The following PXDN variants were observed in gnomAD, a reference collection of about 807,000 sequenced individuals.
PXDN encodes the protein peroxidasin, also known as peroxidasin homolog.
PXDN carries 77 observed loss-of-function variants against 140.3 expected under a neutral mutation model. That is an observed-to-expected ratio of 0.55 (90% CI 0.46 to 0.66). PXDN has a LOEUF of 0.66. Ranked by LOEUF, PXDN falls within the 30% of genes least tolerant of loss-of-function variation. The pLI is 0.00. For synonymous variants in PXDN, 911 were observed against 857.4 expected, an observed-to-expected ratio of 1.06 and a Z score of -1.09; for missense variants, 1,838 against 2,039.5, an observed-to-expected ratio of 0.90 and a Z score of 1.90.
Position 1,633,759 on chromosome 2 carries a change from A to C in PXDN, c.*445T>G, listed in dbSNP as rs1054249. 5 of 152,674 alleles carry C rather than the reference A, an allele frequency of 3.3e-5. No homozygotes were observed. Among genetic ancestry groups the C allele is most frequent in the Admixed American group, 1.3e-4 (2 of 15,246 alleles). 9.5% of individuals were successfully genotyped at this position (152,674 alleles called of 1,614,324 possible). A position where few individuals can be genotyped will look rare whatever the true frequency, so the allele number is the denominator to read the frequency against. On this transcript the variant is annotated 3_prime_UTR_variant, in exon 23 of 23. Transcript: ENST00000252804. ...TTCGGTGAGCCCCTCTGGCAGCTCCAAGACTCACCCCACCTGCGGGTGACA... is the reference window on the plus strand; with the variant it reads ...TTCGGTGAGCCCCTCTGGCAGCTCCCAGACTCACCCCACCTGCGGGTGACA...
chr2:1,709,187 G>A (rs1466039233), intron 1 of PXDN, among the ~76,000 whole-genome samples: 2 of 152,200 alleles, frequency 1.3e-5, no homozygotes, highest in African/African-American at 2.4e-5. Context: ...CAGTTCATGG[G>A]CAATGCTGAC....
At chr2:1,689,083 C>G (rs1684128839) in intron 3 of PXDN, among the ~76,000 whole-genome samples, 1 of 152,104 alleles carries the variant, frequency 6.6e-6, no homozygotes, top group African/African-American at 2.4e-5. Context: ...GCAGCAGAGG[C>G]CTGGCAAGGC....
chr2:1,705,869 C>T (rs1168662425), intron 1 of PXDN, among the ~76,000 whole-genome samples: 21 of 152,256 alleles, frequency 1.4e-4, no homozygotes, highest in Admixed American at 1.2e-3. Context: ...ACCTGGGACG[C>T]GTGGAGTGTC....
intron 7 of PXDN, 137 bp downstream of exon 7, chr2:1,680,056 G>A (rs929253804): frequency 8.9e-6 from 10 of 1,125,686 alleles, no homozygotes; most frequent in Middle Eastern, 3.0e-4. Context: ...GTGTCTGCGC[G>A]TGTGTCTATA....
chr2:1,694,246 G>A (rs1684248432), intron 1 of PXDN, among the ~76,000 whole-genome samples: 1 of 152,136 alleles, frequency 6.6e-6, no homozygotes, highest in South Asian at 2.1e-4. Flanking sequence ...GGGTATCATA[G>A]GTAAGGTCAG....
intron 14 of PXDN, among the ~76,000 whole-genome samples, chr2:1,656,903 C>G (rs1027038846): frequency 6.6e-6 from 1 of 150,706 alleles, no homozygotes; most frequent in East Asian, 2.0e-4. Context: ...GACCTACCCC[C>G]TCCTGACTGG....
chr2:1,670,711 A>G (rs1416089757), intron 9 of PXDN, among the ~76,000 whole-genome samples: 1 of 152,170 alleles, frequency 6.6e-6, no homozygotes, highest in East Asian at 1.9e-4. Context: ...ATTTAGCCTT[A>G]AGAGCCTCAT....
intron 1 of PXDN, among the ~76,000 whole-genome samples, chr2:1,734,338 C>T (rs957413383): frequency 6.6e-6 from 1 of 152,070 alleles, no homozygotes; most frequent in East Asian, 1.9e-4. Flanking sequence ...TTATAAAACA[C>T]CTGAGCCTTC....
At chr2:1,640,206 C>G (rs372218933) in intron 19 of PXDN, among the ~76,000 whole-genome samples, 348 of 152,338 alleles carry the variant, frequency 2.3e-3, no homozygotes, top group African/African-American at 8.1e-3. Flanking sequence ...CGTGTCCCAC[C>G]TGGGCCCTGT....
rs1442525201 is a variant in PXDN, at chr2:1,644,613, C to A, written c.3743+5G>T. The A allele has an allele frequency of 6.3e-7, 1 of 1,589,670 alleles. No homozygotes were observed. Among genetic ancestry groups the A allele is most frequent in the African/African-American group, 1.3e-5 (1 of 74,334 alleles). ...CGTGCTCCCCTTTCTGGTGCACGTG[C>A]TCACCTGTCCCCATCTCGCAGGCGC... On this transcript the variant is annotated splice_donor_5th_base_variant and intron_variant, in intron 18 of 22. Transcript: ENST00000252804.
At chr2:1,720,296 G>A (rs1246075139) in intron 1 of PXDN, among the ~76,000 whole-genome samples, 31 of 114,632 alleles carry the variant, frequency 2.7e-4, no homozygotes, top group South Asian at 7.0e-4. Flanking sequence ...AGAGAGAGAG[G>A]GAGGGAGGGA....
At chr2:1,725,926 C>A (rs1355568237) in intron 1 of PXDN, among the ~76,000 whole-genome samples, 2 of 150,430 alleles carry the variant, frequency 1.3e-5, no homozygotes, top group African/African-American at 4.9e-5. Context: ...AGTCAGGAAG[C>A]AACAGGTGCT....
rs1447947996 is a variant in PXDN at position 1,680,070 on chromosome 2, GGTGT to G, written c.730+119_730+122del. 165 of 1,238,244 alleles carry G rather than the reference GGTGT, an allele frequency of 1.3e-4. 1 individual carries two copies. The African/African-American group carries it at 2.2e-3, about 16-fold the overall frequency. 76.7% of individuals were successfully genotyped at this position (1,238,244 alleles called of 1,614,324 possible). A position where few individuals can be genotyped will look rare whatever the true frequency, so the allele number is the denominator to read the frequency against. ...TGTGTCTGCGCGTGTGTCTATAAATGGTGTGTGTGTAAATGTGTGTGTGTGGTGT... is the reference window on the plus strand; with the variant it reads ...TGTGTCTGCGCGTGTGTCTATAAATGGTGTGTAAATGTGTGTGTGTGGTGT... On this transcript the variant is annotated intron_variant, in intron 7 of 22. Transcript: ENST00000252804.
At chr2:1,683,805 AAT>A in intron 5 of PXDN, 78 bp from the exon 6 acceptor site, 13 of 1,132,930 alleles carry the variant, frequency 1.1e-5, no homozygotes, top group Non-Finnish European at 1.6e-5. Flanking sequence ...TAAGCAGTCA[AAT>A]ATATATCAGC....
At chr2:1,727,530 C>A (rs1227929852) in intron 1 of PXDN, among the ~76,000 whole-genome samples, 1 of 152,216 alleles carries the variant, frequency 6.6e-6, no homozygotes, top group East Asian at 1.9e-4. Flanking sequence ...AAAGCACAGA[C>A]CAGGACCCCA....
intron 16 of PXDN, among the ~76,000 whole-genome samples, chr2:1,650,991 G>A (rs1683002168): frequency 6.6e-6 from 1 of 152,098 alleles, no homozygotes; most frequent in Non-Finnish European, 1.5e-5. Flanking sequence ...CCAGGCTGGG[G>A]AGAATAAGTC....
At chr2:1,725,881 C>T (rs1481206737) in intron 1 of PXDN, among the ~76,000 whole-genome samples, 8 of 151,982 alleles carry the variant, frequency 5.3e-5, no homozygotes, top group African/African-American at 1.7e-4. Flanking sequence ...CAATGAGATA[C>T]CATCTCCCAC....
intron 1 of PXDN, among the ~76,000 whole-genome samples, chr2:1,736,870 G>A (rs1439467986): frequency 6.6e-6 from 1 of 152,208 alleles, no homozygotes; most frequent in Non-Finnish European, 1.5e-5. Flanking sequence ...GTTATCTCAT[G>A]TGGACAAAGG....
intron 16 of PXDN, among the ~76,000 whole-genome samples, chr2:1,652,289 G>C (rs1683031905): frequency 6.6e-6 from 1 of 152,130 alleles, no homozygotes; most frequent in Non-Finnish European, 1.5e-5. Context: ...AAGGTAGGGA[G>C]TAGCAAGAAA....
Sources: gnomAD v4.1 joint callset for allele counts (sites outside exome capture counted in the v4.1 genomes callset) on GRCh38, gnomAD v4.1.1 for gene constraint, MANE v1.5 for transcripts, NCBI Gene and HGNC (gene_info 2026-07-23, HGNC 2026-07-21) for gene names.